NAV3: variants seen among roughly 807,000 people sequenced by gnomAD.
NAV3 encodes neuron navigator 3, also known as pore membrane and/or filament interacting like protein 1.
Under a neutral mutation model 244.7 loss-of-function variants are expected in NAV3, and 87 were observed. The ratio of observed to expected loss-of-function variants is 0.36; its 90% CI spans 0.30 to 0.42. The LOEUF is 0.42. NAV3 is among the 20% of genes least tolerant of loss of function. NAV3 has a pLI of 1.00. For missense variants in NAV3, 2,663 were observed against 2,893.3 expected, an observed-to-expected ratio of 0.92 and a Z score of 1.83; for synonymous variants, 1,126 against 1,042.2, an observed-to-expected ratio of 1.08 and a Z score of -1.55.
chr12:77,755,890 G>A (rs181294967), intron 2 of NAV3, among the ~76,000 whole-genome samples: 11 of 151,380 alleles, frequency 7.3e-5, no homozygotes, highest in Non-Finnish European at 1.6e-4. Flanking sequence ...AAATAATGTC[G>A]AATTCAAAAT....
At chr12:78,082,589 C>A (rs1049346380) in intron 12 of NAV3, among the ~76,000 whole-genome samples, 12 of 152,100 alleles carry the variant, frequency 7.9e-5, no homozygotes, top group South Asian at 2.1e-4. Flanking sequence ...TAGCCCCCCC[C>A]ACCATTAGCA....
chr12:77,658,537 G>C (rs1381601072), intron 2 of NAV3, among the ~76,000 whole-genome samples: 3 of 151,404 alleles, frequency 2.0e-5, no homozygotes, highest in African/African-American at 7.3e-5. Context: ...TACTGCCCAA[G>C]GTAATGTATA....
At chr12:77,992,263 C>G (rs1871575024) in intron 5 of NAV3, among the ~76,000 whole-genome samples, 1 of 152,238 alleles carries the variant, frequency 6.6e-6, no homozygotes, top group East Asian at 1.9e-4. Flanking sequence ...TTGAATTTCT[C>G]TAGGTCAGAG....
At chr12:77,755,591 C>CTT (rs1403519226) in intron 2 of NAV3, among the ~76,000 whole-genome samples, 6 of 28,836 alleles carry the variant, frequency 2.1e-4, no homozygotes, top group Non-Finnish European at 3.5e-4. Flanking sequence ...TCCTCCCTCC[C>CTT]TCCCTCCCTC....
chr12:78,210,512 C>A lies in NAV3; in HGVS notation c.7153C>A (p.Leu2385Ile). 4 of 1,609,556 alleles carry A rather than the reference C, an allele frequency of 2.5e-6. No individual in the cohort carries two copies. The highest frequency in any genetic ancestry group is 2.5e-6 in the Non-Finnish European group (3 of 1,178,710). Residue 2385 changes from leucine to isoleucine, a missense_variant, in exon 40 of 40, where the codon CTC becomes ATC. This residue lies in a region of NAV3 where 543 missense variants were observed against 672.4 expected (regional missense o/e 0.81). Transcript: ENST00000397909. Reference protein sequence around the residue: ...DILDSSLESTL With the variant: ...DILDSSLESTI ...TTTGGATTCATCTCTTGAATCTACC[C>A]TCTAGAGGGTGAAAAAAGTTAAGGG...
At chr12:77,739,394 G>T (rs995339123) in intron 2 of NAV3, among the ~76,000 whole-genome samples, 2 of 150,676 alleles carry the variant, frequency 1.3e-5, no homozygotes, top group Non-Finnish European at 2.9e-5. Context: ...TGTGTATAGC[G>T]CATATCTATA....
At chr12:78,120,008 T>G in intron 15 of NAV3, 63 bp downstream of exon 15, 2 of 1,272,664 alleles carry the variant, frequency 1.6e-6, no homozygotes, top group South Asian at 2.9e-5. Context: ...GACACATACA[T>G]TACATATAAA....
At chr12:78,037,867 A>AT (rs1156871097) in intron 9 of NAV3, among the ~76,000 whole-genome samples, 16 of 152,308 alleles carry the variant, frequency 1.1e-4, no homozygotes, top group African/African-American at 3.6e-4. Context: ...GGCTTCTTCT[A>AT]TACCTCAGTG....
intron 2 of NAV3, among the ~76,000 whole-genome samples, chr12:77,642,289 T>A (rs1872448993): frequency 6.6e-6 from 1 of 152,088 alleles, no homozygotes; most frequent in South Asian, 2.1e-4. Flanking sequence ...TTAATTATTA[T>A]TTTTTTCATT....
intron 5 of NAV3, among the ~76,000 whole-genome samples, chr12:77,978,640 A>G (rs1436114139): frequency 1.3e-5 from 2 of 152,070 alleles, no homozygotes; most frequent in Non-Finnish European, 2.9e-5. Flanking sequence ...TCTACTAAAA[A>G]CTAACCTCAT....
chr12:77,643,218 ATTAG>A (rs1872492896), intron 2 of NAV3, among the ~76,000 whole-genome samples: 2 of 152,008 alleles, frequency 1.3e-5, no homozygotes, highest in African/African-American at 4.8e-5. Context: ...AGTCTCGTAT[ATTAG>A]TTAGAATTGT....
intron 9 of NAV3, among the ~76,000 whole-genome samples, chr12:78,048,760 G>T (rs952335883): frequency 4.6e-5 from 7 of 152,196 alleles, no homozygotes; most frequent in Non-Finnish European, 8.8e-5. Context: ...TCGGAGATCC[G>T]CTGCTCTCTT....
At chr12:78,146,431 TTA>T (rs1189508941) in intron 21 of NAV3, 39 bp downstream of exon 21, 4 of 913,274 alleles carry the variant, frequency 4.4e-6, no homozygotes, top group Non-Finnish European at 6.1e-6. Context: ...ATTTTCTATT[TTA>T]GTTTGCATTC....
At chr12:77,780,046 T>C (rs932084680) in intron 2 of NAV3, among the ~76,000 whole-genome samples, 2 of 152,272 alleles carry the variant, frequency 1.3e-5, no homozygotes, top group Non-Finnish European at 2.9e-5. Context: ...TTTTTTCTTT[T>C]TCTTTTTTCT....
At chr12:77,703,914 A>G (rs942727267) in intron 2 of NAV3, among the ~76,000 whole-genome samples, 1 of 152,178 alleles carries the variant, frequency 6.6e-6, no homozygotes, top group East Asian at 1.9e-4. Context: ...TGTTTTTAAT[A>G]TGACTCCTGG....
intron 1 of NAV3, among the ~76,000 whole-genome samples, chr12:77,888,568 C>T (rs574069393): frequency 4.6e-5 from 7 of 152,210 alleles, no homozygotes; most frequent in African/African-American, 1.7e-4. Flanking sequence ...TACAGTAAGA[C>T]AAAGTAATGA....
chr12:78,061,923 A>T (rs1370938005), intron 12 of NAV3, among the ~76,000 whole-genome samples: 13 of 152,172 alleles, frequency 8.5e-5, no homozygotes, highest in Non-Finnish European at 8.8e-5. Context: ...GAATTAGAAG[A>T]CAATTGCAGA....
intron 2 of NAV3, among the ~76,000 whole-genome samples, chr12:77,651,573 A>C (rs1665936525): frequency 6.6e-6 from 1 of 152,158 alleles, no homozygotes; most frequent in African/African-American, 2.4e-5. Context: ...CTCTGCCCTT[A>C]ACTGCCTGAG....
intron 2 of NAV3, among the ~76,000 whole-genome samples, chr12:77,804,059 T>A (rs1871847549): frequency 6.6e-6 from 1 of 152,150 alleles, no homozygotes; most frequent in Non-Finnish European, 1.5e-5. Context: ...TTGCAAAAAT[T>A]TTCTCCCGTT....
Sources: gnomAD v4.1 joint callset for allele counts (sites outside exome capture counted in the v4.1 genomes callset) on GRCh38, gnomAD v4.1.1 for gene constraint, gnomAD v4.1.1 regional missense constraint, MANE v1.5 for transcripts, NCBI Gene and HGNC (gene_info 2026-07-23, HGNC 2026-07-21) for gene names.